The following STK3 variants were observed in gnomAD, a reference collection of about 807,000 sequenced individuals.
The protein encoded by STK3 is serine/threonine kinase 3.
STK3 carries 41 observed loss-of-function variants against 58.0 expected under a neutral mutation model. The observed-to-expected ratio is 0.71, with a 90% CI of 0.55 to 0.92. STK3 has a LOEUF of 0.92. Among genes scored for constraint, STK3 ranks in the 40% least tolerant of loss-of-function variants. The pLI is 0.00. For missense variants in STK3, 479 were observed against 602.7 expected (o/e 0.79, Z 2.15); for synonymous variants, 170 against 191.0 (o/e 0.89, Z 0.91).
At chr8:98,559,714 T>G (rs1408784839) in intron 8 of STK3, among the ~76,000 whole-genome samples, 1 of 152,152 alleles carries the variant, frequency 6.6e-6, no homozygotes, top group Non-Finnish European at 1.5e-5. Context: ...GATCTCATCT[T>G]ACACAGAAAT....
At chr8:98,373,871 T>C (rs1420588077) in intron 2 of STK3, among the ~76,000 whole-genome samples, 1 of 152,180 alleles carries the variant, frequency 6.6e-6, no homozygotes, top group Admixed American at 6.5e-5. Context: ...GTAGCAGAGA[T>C]GGGATTTAAT....
At chr8:98,560,257 T>C (rs1200472612) in intron 8 of STK3, among the ~76,000 whole-genome samples, 1 of 151,970 alleles carries the variant, frequency 6.6e-6, no homozygotes, top group East Asian at 1.9e-4. Context: ...GTTATAAAGA[T>C]TGGAAAGAAA....
At chr8:98,358,379 C>T in the STK3 span, among the ~76,000 whole-genome samples, 1 of 152,098 alleles carries the variant, frequency 6.6e-6, no homozygotes, top group Non-Finnish European at 1.5e-5. Flanking sequence ...AGAACTGAAC[C>T]CTGCTGTCCA....
chr8:98,471,149 A>AGATC (rs1253416338), intron 10 of STK3, among the ~76,000 whole-genome samples: 1 of 152,134 alleles, frequency 6.6e-6, no homozygotes, highest in Non-Finnish European at 1.5e-5. Context: ...GGCCACTATC[A>AGATC]GATCAATGGT....
chr8:98,736,134 T>C (rs1828570912), intron 4 of STK3, among the ~76,000 whole-genome samples: 1 of 152,124 alleles, frequency 6.6e-6, no homozygotes, highest in Non-Finnish European at 1.5e-5. Context: ...AAAAATAGCA[T>C]TTATTGTGCT....
rs558355215 is a variant in STK3, at chr8:98,608,512, T to G, written c.685-12343A>C. Among the ~76,000 whole-genome samples the G allele has an allele frequency of 1.1e-3, 168 of 152,320 alleles. 1 individual carries two copies. Among genetic ancestry groups the G allele is most frequent in the Non-Finnish European group, 1.9e-3 (128 of 68,014 alleles). The stretch of plus-strand genomic sequence containing the variant: ...ATTATGTCCTTCTAATTTGTTTACT[T>G]TTTTACATATTTGAAATTTTAACAC... On this transcript the variant is annotated intron_variant, in intron 6 of 10. Transcript: ENST00000419617.
At chr8:98,653,292 A>G (rs1313074408) in intron 6 of STK3, among the ~76,000 whole-genome samples, 1 of 152,206 alleles carries the variant, frequency 6.6e-6, no homozygotes, top group African/African-American at 2.4e-5. Context: ...AATGAGAACA[A>G]AGACACAACA....
chr8:98,491,554 C>T (rs1035286331), intron 10 of STK3, among the ~76,000 whole-genome samples: 8 of 152,096 alleles, frequency 5.3e-5, no homozygotes, highest in African/African-American at 1.7e-4. Flanking sequence ...AATTCTCCTG[C>T]CTCAGCCTCC....
At chr8:98,732,433 T>C (rs1389024946) in intron 4 of STK3, among the ~76,000 whole-genome samples, 1 of 152,096 alleles carries the variant, frequency 6.6e-6, no homozygotes, top group East Asian at 1.9e-4. Context: ...CACTAGATGT[T>C]AGAAGATAAA....
At chr8:98,909,401 G>GT (rs1451116795) in intron 1 of STK3, among the ~76,000 whole-genome samples, 4 of 152,226 alleles carry the variant, frequency 2.6e-5, no homozygotes, top group East Asian at 1.9e-4. Flanking sequence ...ACAATCCAAT[G>GT]TTTTTTAGTA....
intron 6 of STK3, among the ~76,000 whole-genome samples, chr8:98,668,988 C>CTTTTTTTTTTTTTTTT (rs35407432): frequency 1.8e-5 from 2 of 111,130 alleles, no homozygotes; most frequent in African/African-American, 3.4e-5. Context: ...TTAATCTTGT[C>CTTTTTTTTTTTTTTTT]TTTTTTTTTT....
At position 98,455,811 on chromosome 8, in the gene STK3, A is replaced by G. The variant is rs1464366646; in HGVS notation, c.*31T>C. 1 of 1,611,372 alleles carries G rather than the reference A, an allele frequency of 6.2e-7. No homozygotes were observed. Among genetic ancestry groups the G allele is most frequent in the Admixed American group, 1.7e-5 (1 of 59,658 alleles). ...AATTCCTAGTGGTTTCTTGGTCTCC[A>G]GAATAGTTAAAAACAGAGAGGAAAT... On this transcript the variant is annotated 3_prime_UTR_variant, in exon 11 of 11. Transcript: ENST00000419617.
At chr8:98,756,164 A>T (rs1008419305) in intron 3 of STK3, among the ~76,000 whole-genome samples, 1 of 152,000 alleles carries the variant, frequency 6.6e-6, no homozygotes, top group African/African-American at 2.4e-5. Context: ...AAAAATTAAA[A>T]TTAAAAAATA....
At chr8:98,647,097 C>A (rs185574345) in intron 6 of STK3, among the ~76,000 whole-genome samples, 88 of 152,298 alleles carry the variant, frequency 5.8e-4, no homozygotes, top group African/African-American at 2.0e-3. Flanking sequence ...TCTCCTACTT[C>A]TTTGTCCCTA....
At chr8:98,500,979 C>T (rs1003383386) in intron 10 of STK3, among the ~76,000 whole-genome samples, 3 of 152,140 alleles carry the variant, frequency 2.0e-5, no homozygotes, top group African/African-American at 4.8e-5. Flanking sequence ...CTTGAGGAAT[C>T]GCCACACTGT....
chr8:98,434,757 G>A (rs73273964), intron 2 of STK3, among the ~76,000 whole-genome samples: 3,257 of 152,164 alleles, frequency 0.021, 80 homozygotes, highest in African/African-American at 0.059. Context: ...AGTTGTGTAA[G>A]GCCCTACAGA....
intron 1 of STK3, among the ~76,000 whole-genome samples, chr8:98,819,324 T>C (rs1834746855): frequency 6.6e-6 from 1 of 152,138 alleles, no homozygotes; most frequent in African/African-American, 2.4e-5. Flanking sequence ...CAGTAATATA[T>C]GATGGCCTGA....
chr8:98,832,581 A>G (rs1481732604), intron 3 of STK3, among the ~76,000 whole-genome samples: 2 of 152,172 alleles, frequency 1.3e-5, no homozygotes, highest in Non-Finnish European at 2.9e-5. Context: ...TTAACTCAGG[A>G]AAGAAAGTCT....
chr8:98,716,010 T>G (rs903741703), intron 4 of STK3, among the ~76,000 whole-genome samples: 1 of 152,088 alleles, frequency 6.6e-6, no homozygotes, highest in African/African-American at 2.4e-5. Context: ...GAAACCATCA[T>G]TCTCAGCAAA....
Sources: allele counts gnomAD v4.1 joint callset (sites outside exome capture counted in the v4.1 genomes callset), GRCh38; gene constraint gnomAD v4.1.1; transcripts MANE v1.5; gene names NCBI Gene and HGNC (gene_info 2026-07-23, HGNC 2026-07-21).